Variants in CADPS2 observed in about 807,000 individuals in gnomAD.
The protein encoded by CADPS2 is calcium dependent secretion activator 2, also known as calcium-dependent secretion activator 2.
A neutral mutation model predicts 172.5 loss-of-function variants in CADPS2; 93 were observed. That is an observed-to-expected ratio of 0.54 (90% CI 0.46 to 0.64). CADPS2 has a LOEUF of 0.64. Ranked by LOEUF, CADPS2 falls within the 30% of genes least tolerant of loss-of-function variation. The pLI, the probability that CADPS2 is intolerant of heterozygous loss-of-function variation, is 0.00. For missense variants in CADPS2, 1,420 were observed against 1,565.9 expected (o/e 0.91, Z 1.57); for synonymous variants, 546 against 555.2 (o/e 0.98, Z 0.23).
At chr7:122,499,884 T>A (rs765487733) in intron 9 of CADPS2, among the ~76,000 whole-genome samples, 4 of 152,080 alleles carry the variant, frequency 2.6e-5, no homozygotes, top group Non-Finnish European at 5.9e-5. Flanking sequence ...TGGAAGAATC[T>A]TAAAAACCTG....
At chr7:122,351,590 A>G (rs1049134803) in intron 27 of CADPS2, among the ~76,000 whole-genome samples, 2 of 151,986 alleles carry the variant, frequency 1.3e-5, no homozygotes, top group African/African-American at 2.4e-5. Flanking sequence ...GATTTAGAGC[A>G]TGTAACATGT....
At chr7:122,774,699 TTTAG>T (rs1225689963) in intron 1 of CADPS2, among the ~76,000 whole-genome samples, 69 of 152,258 alleles carry the variant, frequency 4.5e-4, no homozygotes, top group Non-Finnish European at 1.5e-4. Context: ...GATTAGAATT[TTTAG>T]TTATTCTGAA....
intron 6 of CADPS2, among the ~76,000 whole-genome samples, chr7:122,593,564 C>T (rs1296466117): frequency 6.6e-6 from 1 of 152,016 alleles, no homozygotes; most frequent in Non-Finnish European, 1.5e-5. Flanking sequence ...CACAGCACAT[C>T]TCATAGAAAG....
intron 3 of CADPS2, among the ~76,000 whole-genome samples, chr7:122,632,015 A>T (rs890561528): frequency 2.6e-5 from 4 of 152,154 alleles, no homozygotes; most frequent in African/African-American, 9.7e-5. Flanking sequence ...TGCAAAGAAT[A>T]TGATTTCATT....
intron 3 of CADPS2, among the ~76,000 whole-genome samples, chr7:122,657,716 T>C (rs1187546681): frequency 2.0e-5 from 3 of 152,146 alleles, no homozygotes; most frequent in Non-Finnish European, 2.9e-5. Context: ...GGGGCTGAGA[T>C]GATGGGGTTT....
intron 22 of CADPS2, among the ~76,000 whole-genome samples, chr7:122,391,361 T>C (rs989155954): frequency 1.3e-5 from 2 of 152,070 alleles, no homozygotes; most frequent in African/African-American, 4.8e-5. Context: ...CAATAAGGGA[T>C]TCAGAGTTTG....
chr7:122,728,893 A>C (rs186303253), intron 2 of CADPS2, among the ~76,000 whole-genome samples: 1 of 151,904 alleles, frequency 6.6e-6, no homozygotes, highest in Admixed American at 6.6e-5. Context: ...ATTATATTAC[A>C]AGTCGCCTCT....
At chr7:122,485,927 T>C (rs1162122582) in intron 11 of CADPS2, among the ~76,000 whole-genome samples, 2 of 152,176 alleles carry the variant, frequency 1.3e-5, no homozygotes, top group African/African-American at 2.4e-5. Flanking sequence ...CCCTGTTCTG[T>C]GCTCTATAAC....
At chr7:122,565,998 G>A (rs1587372389) in intron 7 of CADPS2, among the ~76,000 whole-genome samples, 1 of 152,114 alleles carries the variant, frequency 6.6e-6, no homozygotes, top group African/African-American at 2.4e-5. Context: ...TAAGAGTTTG[G>A]CCTTTTTAGA....
intron 29 of CADPS2, among the ~76,000 whole-genome samples, chr7:122,325,006 G>A (rs576087448): frequency 6.6e-6 from 1 of 152,130 alleles, no homozygotes; most frequent in South Asian, 2.1e-4. Flanking sequence ...CATATAAGAG[G>A]CATGCTTCCA....
In CADPS2 at chr7:122,722,477, A is replaced by G. The variant is rs1211945470; in HGVS notation, c.453+14478T>C. ...AGAGAATAAAATACCTAGGAATCCA[A>G]CTTACAAGGGATGTGAAGGACCTCT... On this transcript the variant is annotated intron_variant, in intron 2 of 29. Coordinates refer to ENST00000449022, the MANE Select transcript of CADPS2 (RefSeq NM_017954.11). Among the ~76,000 whole-genome samples, 6 of 151,724 alleles carry G rather than the reference A, an allele frequency of 4.0e-5. No homozygotes were observed. The South Asian group carries it at 6.3e-4, about 16-fold the overall frequency.
intron 8 of CADPS2, among the ~76,000 whole-genome samples, chr7:122,518,569 G>C (rs1386763013): frequency 6.6e-6 from 1 of 152,104 alleles, no homozygotes; most frequent in African/African-American, 2.4e-5. Context: ...AGGCTGAAGA[G>C]AGAGTACCTC....
At chr7:122,490,327 C>T (rs1406739229) in intron 10 of CADPS2, 46 bp from the exon 11 acceptor site, 2 of 1,559,062 alleles carry the variant, frequency 1.3e-6, no homozygotes, top group African/African-American at 2.7e-5. Flanking sequence ...ATAGGATTGG[C>T]AGATTTTCGT....
chr7:122,411,382 A>G (rs1478131544), intron 19 of CADPS2, among the ~76,000 whole-genome samples: 1 of 151,636 alleles, frequency 6.6e-6, no homozygotes, highest in Admixed American at 6.6e-5. Flanking sequence ...CACCATGCCC[A>G]GCTAATTTTG....
intron 2 of CADPS2, among the ~76,000 whole-genome samples, chr7:122,725,225 T>C (rs1383786319): frequency 2.0e-5 from 3 of 152,034 alleles, no homozygotes; most frequent in Non-Finnish European, 4.4e-5. Flanking sequence ...TTAGTGAATA[T>C]AAGGATCTAA....
chr7:122,749,351 G>A (rs2092850930), intron 1 of CADPS2, among the ~76,000 whole-genome samples: 1 of 152,086 alleles, frequency 6.6e-6, no homozygotes, highest in South Asian at 2.1e-4. Flanking sequence ...ATTTGTGAGA[G>A]AAGAAGGGTA....
At chr7:122,840,045 G>A (rs1372268370) in intron 1 of CADPS2, among the ~76,000 whole-genome samples, 1 of 152,160 alleles carries the variant, frequency 6.6e-6, no homozygotes, top group Non-Finnish European at 1.5e-5. Context: ...GTCCATCAAT[G>A]ATAGACTGGA....
intron 9 of CADPS2, among the ~76,000 whole-genome samples, chr7:122,493,189 AAATC>A (rs1007846900): frequency 1.3e-5 from 2 of 151,324 alleles, no homozygotes; most frequent in Admixed American, 1.3e-4. Context: ...AAAGAACTAT[AAATC>A]AACAGGGAAA....
At chr7:122,717,460 CACTT>C (rs900157401) in intron 2 of CADPS2, among the ~76,000 whole-genome samples, 8 of 152,144 alleles carry the variant, frequency 5.3e-5, no homozygotes, top group East Asian at 3.9e-4. Flanking sequence ...AATTATAAGA[CACTT>C]ACTTATGACA....
Sources: gnomAD v4.1 joint callset for allele counts (sites outside exome capture counted in the v4.1 genomes callset) on GRCh38, gnomAD v4.1.1 for gene constraint, MANE v1.5 for transcripts, NCBI Gene and HGNC (gene_info 2026-07-23, HGNC 2026-07-21) for gene names.